CCDC154: variants seen among roughly 807,000 people sequenced by gnomAD.
CCDC154 encodes coiled-coil domain-containing protein 154.
Under a neutral mutation model 87.5 loss-of-function variants are expected in CCDC154, and 91 were observed. The observed-to-expected ratio is 1.04, with a 90% CI of 0.88 to 1.24. The LOEUF (loss-of-function observed/expected upper bound fraction) is 1.24. CCDC154 is among the 50% of genes most tolerant of loss of function. The pLI is 0.00. For missense variants in CCDC154, 903 were observed against 879.2 expected, an observed-to-expected ratio of 1.03 and a Z score of -0.34; for synonymous variants, 418 against 400.4, an observed-to-expected ratio of 1.04 and a Z score of -0.52.
At chr16:1,437,092 C>T (rs2038508809) in intron 11 of CCDC154, 4 of 464,848 alleles carry the variant, frequency 8.6e-6, no homozygotes, top group African/African-American at 2.0e-5. Context: ...GACCCAGCCC[C>T]GAAACGCAGG....
At chr16:1,442,997 C>T (rs1409011886) in intron 4 of CCDC154, 22 bp from the exon 5 acceptor site, 3 of 1,549,674 alleles carry the variant, frequency 1.9e-6, no homozygotes, top group Non-Finnish European at 2.6e-6. Context: ...CAAGCCATTC[C>T]CGAGAGGCCC....
intron 6 of CCDC154, among the ~76,000 whole-genome samples, chr16:1,440,874 G>A (rs1238727022): frequency 6.6e-6 from 1 of 151,462 alleles, no homozygotes. Flanking sequence ...TGGTGTGAAC[G>A]TGGGAGGCGG....
At chr16:1,437,243 G>T in intron 11 of CCDC154, 1 of 211,086 alleles carries the variant, frequency 4.7e-6, no homozygotes, top group South Asian at 8.8e-5. Flanking sequence ...GAAACGGGAT[G>T]CCCGTGGGTG....
Position 1,434,754 on chromosome 16 carries a change from G to A in CCDC154, c.1791C>T (p.Ser597=). The A allele has an allele frequency of 6.5e-7, 1 of 1,545,440 alleles. No individual in the cohort carries two copies. Among genetic ancestry groups the A allele is most frequent in the African/African-American group, 1.4e-5 (1 of 73,168 alleles). ...TPLGSWKALP[S]LVRPRVFIKD... is the part of the protein sequence containing the mutation. ...TGATGAAGACCCGCGGCCTCACCAGGGATGGGAGCGCCTTCCAGCTGCCCA... is the reference window on the plus strand; with the variant it reads ...TGATGAAGACCCGCGGCCTCACCAGAGATGGGAGCGCCTTCCAGCTGCCCA... Residue 597 remains serine (S), a synonymous_variant, in exon 16 of 17, where the codon TCC becomes TCT. Coordinates refer to ENST00000389176, the MANE Select transcript of CCDC154 (RefSeq NM_001143980.3).
At position 1,436,813 on chromosome 16, in the gene CCDC154, T is replaced by G. The variant is rs977954514; in HGVS notation, c.1291-2A>C. On this transcript the variant is annotated splice_acceptor_variant, in intron 11 of 16. Coordinates refer to ENST00000389176, the MANE Select transcript of CCDC154 (RefSeq NM_001143980.3). LOFTEE classifies it high-confidence loss of function. ...TGCACCTTCCCATTCGGTCTTTGCC[T>G]GGGGTACAGATGCCCAGTGAGGGAC... 6.5e-7 allele frequency: 1 copy of G among 1,550,308 alleles called. No homozygotes were observed. The highest frequency in any genetic ancestry group is 1.4e-5 in the African/African-American group (1 of 73,040).
At chr16:1,436,852 G>C (rs529923145) in intron 11 of CCDC154, 41 bp from the exon 12 acceptor site, 8 of 1,548,726 alleles carry the variant, frequency 5.2e-6, no homozygotes, top group Admixed American at 2.0e-5. Flanking sequence ...GCCAAGAGAG[G>C]GGGGACAGAC....
At chr16:1,443,192 C>T (rs563585927) in intron 4 of CCDC154, 69 bp downstream of exon 4, 1 of 1,527,916 alleles carries the variant, frequency 6.5e-7, no homozygotes, top group East Asian at 2.5e-5. Flanking sequence ...CCCCCCACCA[C>T]ACCTGCCGCT....
chr16:1,435,020 G>T, intron 15 of CCDC154, 69 bp downstream of exon 15: 1 of 1,479,832 alleles, frequency 6.8e-7, no homozygotes, highest in Non-Finnish European at 9.2e-7. Context: ...AGCAGGGCAG[G>T]CGGGGAGGCG....
Position 1,438,837 on chromosome 16 carries a change from C to G in CCDC154, c.884G>C (p.Arg295Pro), listed in dbSNP as rs769728163. Residue 295 changes from arginine to proline, a missense_variant, in exon 8 of 17, where the codon CGG becomes CCG. By Grantham distance (103) the Arg-to-Pro change is moderately radical. Coordinates refer to ENST00000389176, the MANE Select transcript of CCDC154 (RefSeq NM_001143980.3). Reference sequence around the variant, plus strand: ...CACCTCATGCTGCCCCTGCAGGGCCCGCAGGCGCTCCTCCATCAGCCCCCG... The same window carrying G: ...CACCTCATGCTGCCCCTGCAGGGCCGGCAGGCGCTCCTCCATCAGCCCCCG... ...KLRGLMEERLRALQGQHEESH... is the reference protein window; with the variant it reads ...KLRGLMEERLPALQGQHEESH... 1 of 1,547,190 alleles carries G rather than the reference C, an allele frequency of 6.5e-7. No homozygotes were observed. Among genetic ancestry groups the G allele is most frequent in the Non-Finnish European group, 8.7e-7 (1 of 1,146,186 alleles).
chr16:1,441,901 G>A (rs1445103851), intron 6 of CCDC154, among the ~76,000 whole-genome samples: 1 of 146,258 alleles, frequency 6.8e-6, no homozygotes, highest in Non-Finnish European at 1.5e-5. Flanking sequence ...GCCACTGCAC[G>A]TGGCCTGAGC....
chr16:1,435,272 C>A, intron 14 of CCDC154, 97 bp from the exon 15 acceptor site: 2 of 1,102,454 alleles, frequency 1.8e-6, no homozygotes, highest in South Asian at 2.8e-5. Context: ...GTGCTTACAG[C>A]TTGGGCAGGG....
rs984799469 is a variant in CCDC154 at position 1,444,404 on chromosome 16, A to T, written c.-82T>A. 3.2e-6 allele frequency: 4 copies of T among 1,240,024 alleles called. No homozygotes were observed. The Admixed American group carries it at 1.1e-4, about 34-fold the overall frequency. 76.8% of individuals were successfully genotyped at this position (1,240,024 alleles called of 1,614,324 possible). On this transcript the variant is annotated 5_prime_UTR_variant, in exon 1 of 17. Transcript: ENST00000389176. ...TCTGAGGTTGCCCAGAGCTGGGCAC[A>T]GGCCAGGGGGGTCAGGAGCCAGAGG...
rs142964626 is a variant in CCDC154, at chr16:1,435,433, G to T, written c.1606-258C>A. On this transcript the variant is annotated intron_variant, in intron 14 of 16. Transcript: ENST00000389176. The stretch of plus-strand genomic sequence containing the variant: ...GTGGCTGCGGACGGCACCCCGGTGT[G>T]GGGGCTCCAGGCAGGTGCCTCCACT... 1.1e-4 allele frequency: 63 copies of T among 553,182 alleles called. No homozygotes were observed. In the East Asian group the frequency reaches 1.8e-3, roughly 16 times the overall value. The allele number at this position is 553,182 out of a possible 1,614,324, so 34.3% of individuals were successfully genotyped here.
At chr16:1,437,994 G>A (rs1395628923) in intron 10 of CCDC154, 40 bp from the exon 11 acceptor site, 8 of 1,536,656 alleles carry the variant, frequency 5.2e-6, no homozygotes, top group South Asian at 4.8e-5. Flanking sequence ...CTGGCTGAGC[G>A]CCCATCCCGT....
intron 6 of CCDC154, among the ~76,000 whole-genome samples, chr16:1,440,433 G>A (rs182344928): frequency 1.4e-5 from 2 of 145,694 alleles, no homozygotes; most frequent in Non-Finnish European, 3.0e-5. Context: ...CTGGGCAACA[G>A]AGCGAGACTC....
Position 1,443,680 on chromosome 16 carries a change from C to T in CCDC154, c.240G>A (p.Gln80=). The part of the protein sequence containing the change: ...NQLEQWVVEL[Q]AEVACLREHK... ...GCTCCCGCAGGCAGGCCACCTCGGC[C>T]TGCAGCTCCACCACCCTGGCCGGGG... The change falls in exon 3 of 17, where the codon CAG becomes CAA. Residue 80 remains glutamine (Q), a synonymous_variant. Transcript: ENST00000389176. 7.7e-7 allele frequency: 1 copy of T among 1,293,638 alleles called. No homozygotes were observed. The highest frequency in any genetic ancestry group is 1.0e-6 in the Non-Finnish European group (1 of 997,160). 80.1% of individuals were successfully genotyped at this position (1,293,638 alleles called of 1,614,324 possible).
chr16:1,434,704 A>G lies in CCDC154; in HGVS notation c.1841T>C (p.Val614Ala). The G allele has an allele frequency of 6.5e-7, 1 of 1,546,928 alleles. No individual in the cohort carries two copies. The highest frequency in any genetic ancestry group is 8.7e-7 in the Non-Finnish European group (1 of 1,146,776). ...FIKDMAPGKV[V>A]PMNCWGVYQA... ...GTACACGCCCCAGCAGTTCATGGGCACCACCTTGCCAGGCGCCATGTCCTT... is the reference window on the plus strand; with the variant it reads ...GTACACGCCCCAGCAGTTCATGGGCGCCACCTTGCCAGGCGCCATGTCCTT... The change falls in exon 16 of 17, where the codon GTG (valine) becomes GCG (alanine). Residue 614 changes from valine to alanine, a missense_variant. Physicochemically the swap from Val to Ala is moderately conservative, Grantham distance 64 (BLOSUM62 0). Coordinates refer to ENST00000389176, the MANE Select transcript of CCDC154 (RefSeq NM_001143980.3).
chr16:1,438,685 A>T lies in CCDC154; in HGVS notation c.959T>A (p.Leu320Gln), dbSNP rs914115446. ...CQGLDAAVAQLTKFVQQNQAS... is the reference protein window; with the variant it reads ...CQGLDAAVAQQTKFVQQNQAS... ...CTGGTTCTGCTGCACAAACTTGGTCAGCTGGGCCACGGCAGCATCCAGGCC... is the reference window on the plus strand; with the variant it reads ...CTGGTTCTGCTGCACAAACTTGGTCTGCTGGGCCACGGCAGCATCCAGGCC... Residue 320 changes from leucine to glutamine, a missense_variant, in exon 9 of 17, where the codon CTG (leucine) becomes CAG (glutamine). By Grantham distance (113) the Leu-to-Gln change is moderately radical. Coordinates refer to ENST00000389176, the MANE Select transcript of CCDC154 (RefSeq NM_001143980.3). 1.7e-5 allele frequency: 26 copies of T among 1,549,996 alleles called. No individual in the cohort carries two copies. Among genetic ancestry groups the T allele is most frequent in the Non-Finnish European group, 2.2e-5 (25 of 1,146,804 alleles).
At chr16:1,442,306 A>G (rs35956274) in intron 6 of CCDC154, 100 bp downstream of exon 6, 110,397 of 1,298,728 alleles carry the variant, frequency 0.085, 5,362 homozygotes, top group Non-Finnish European at 0.097. Context: ...ACACAGATAC[A>G]TGGTGAACGG....
Sources: gnomAD v4.1 joint callset for allele counts (sites outside exome capture counted in the v4.1 genomes callset) on GRCh38, gnomAD v4.1.1 for gene constraint, MANE v1.5 for transcripts, NCBI Gene and HGNC (gene_info 2026-07-23, HGNC 2026-07-21) for gene names.